Variants in NEBL observed in about 807,000 individuals in gnomAD.
NEBL encodes nebulette.
NEBL carries 122 observed loss-of-function variants against 140.2 expected under a neutral mutation model. The ratio of observed to expected loss-of-function variants is 0.87; its 90% CI spans 0.75 to 1.01. The LOEUF (loss-of-function observed/expected upper bound fraction) is 1.01. Among genes scored for constraint, NEBL ranks in the 50% least tolerant of loss-of-function variants. The pLI is 0.00. For missense variants in NEBL, 1,365 were observed against 1,231.3 expected (o/e 1.11, Z -1.62); for synonymous variants, 436 against 398.9 (o/e 1.09, Z -1.11).
intron 1 of NEBL, among the ~76,000 whole-genome samples, chr10:21,255,615 G>C (rs1379609772): frequency 3.3e-5 from 5 of 152,134 alleles, no homozygotes; most frequent in Admixed American, 3.3e-4. Flanking sequence ...CATCATCGTA[G>C]GAAATTTCAC....
intron 2 of NEBL, among the ~76,000 whole-genome samples, chr10:21,081,353 C>A (rs1039451712): frequency 1.3e-5 from 2 of 152,148 alleles, no homozygotes; most frequent in African/African-American, 4.8e-5. Context: ...GAAAGGCAGT[C>A]AGCCATGGGG....
intron 4 of NEBL, among the ~76,000 whole-genome samples, chr10:20,943,715 C>G (rs1410387472): frequency 6.6e-6 from 1 of 152,220 alleles, no homozygotes; most frequent in Non-Finnish European, 1.5e-5. Flanking sequence ...TTGCTTTTAA[C>G]TAGGATCAAG....
At chr10:20,902,030 C>T (rs1472049238), upstream of NEBL, among the ~76,000 whole-genome samples, 1 of 152,064 alleles carries the variant, frequency 6.6e-6, no homozygotes, top group Non-Finnish European at 1.5e-5. Context: ...ATAGCTATTT[C>T]ATTACTCTTT....
rs1021496185 is a variant in NEBL at position 21,173,440 on chromosome 10, C to T, written c.69+325G>A. On this transcript the variant is annotated intron_variant, in intron 1 of 6. Coordinates refer to the NEBL transcript ENST00000417816. This position sits in a 1 kb window ranked among gnomAD's most constrained non-coding sequence, Gnocchi z 5.7. The stretch of plus-strand genomic sequence containing the variant: ...GAGTGGAGGTGGAGGGGGCGCGGCT[C>T]GCCGAAGTGCCCCCCTGGGTGCCCA... Among the ~76,000 whole-genome samples the T allele has an allele frequency of 6.6e-6, 1 of 151,968 alleles. No individual in the cohort carries two copies.
At chr10:21,150,228 T>G (rs1411336949) in intron 2 of NEBL, among the ~76,000 whole-genome samples, 1 of 152,258 alleles carries the variant, frequency 6.6e-6, no homozygotes, top group Non-Finnish European at 1.5e-5. Flanking sequence ...TAGCCTCATT[T>G]ATGTGCGGCT....
At chr10:21,035,747 C>A (rs1200417137) in intron 2 of NEBL, among the ~76,000 whole-genome samples, 2 of 152,176 alleles carry the variant, frequency 1.3e-5, no homozygotes, top group East Asian at 1.9e-4. Flanking sequence ...CAAAATCATA[C>A]ACATTTTCTT....
Position 20,978,014 on chromosome 10 carries a change from T to A in NEBL, c.250-16235A>T, listed in dbSNP as rs11012439. Among the ~76,000 whole-genome samples, 2,992 of 152,334 alleles carry A rather than the reference T, an allele frequency of 0.02. 387 individuals carry two copies. In the East Asian group the frequency reaches 0.36, roughly 18 times the overall value. ...ATTGAAAATTAATCTTAAAATGTGG[T>A]ATGAAACACACATCCTTTTAAAAAT... is the stretch of plus-strand genomic sequence containing the variant. On this transcript the variant is annotated intron_variant, in intron 3 of 6. Transcript: ENST00000417816.
intron 2 of NEBL, among the ~76,000 whole-genome samples, chr10:21,101,136 A>G (rs897450086): frequency 6.6e-6 from 1 of 152,146 alleles, no homozygotes; most frequent in Non-Finnish European, 1.5e-5. Flanking sequence ...CACATGACTC[A>G]AGTCTCCCCT....
At chr10:21,292,149 C>T (rs756610285) in intron 1 of NEBL, among the ~76,000 whole-genome samples, 2 of 151,994 alleles carry the variant, frequency 1.3e-5, no homozygotes, top group Non-Finnish European at 2.9e-5. Context: ...TTTTTCTCTT[C>T]AAAGAGGATA....
At chr10:20,904,126 G>A (rs900947938) in intron 4 of NEBL, among the ~76,000 whole-genome samples, 1 of 152,112 alleles carries the variant, frequency 6.6e-6, no homozygotes, top group African/African-American at 2.4e-5. Flanking sequence ...CTCTCTCAAA[G>A]TATCTTCTGC....
intron 2 of NEBL, among the ~76,000 whole-genome samples, chr10:21,150,463 C>T (rs1001587197): frequency 2.0e-5 from 3 of 152,214 alleles, no homozygotes; most frequent in East Asian, 1.9e-4. Flanking sequence ...GCTCCAACCA[C>T]GGGCTTGCAC....
intron 21 of NEBL, among the ~76,000 whole-genome samples, chr10:20,816,203 T>C (rs1169528028): frequency 6.6e-6 from 1 of 152,226 alleles, no homozygotes; most frequent in Admixed American, 6.5e-5. Context: ...AGAGAGTACA[T>C]GTGTCCAAAT....
At chr10:20,866,774 C>T (rs1027714671) in intron 7 of NEBL, among the ~76,000 whole-genome samples, 3 of 152,092 alleles carry the variant, frequency 2.0e-5, no homozygotes, top group African/African-American at 4.8e-5. Context: ...AGACATTTTG[C>T]TTTCACTTTG....
At chr10:20,825,877 A>G (rs556908822) in intron 18 of NEBL, among the ~76,000 whole-genome samples, 1 of 152,292 alleles carries the variant, frequency 6.6e-6, no homozygotes, top group East Asian at 1.9e-4. Context: ...TTCACAATTT[A>G]TAGTGAAGAT....
At chr10:21,067,647 G>GA (rs1353446744) in intron 2 of NEBL, among the ~76,000 whole-genome samples, 2 of 152,046 alleles carry the variant, frequency 1.3e-5, no homozygotes, top group Admixed American at 6.6e-5. Flanking sequence ...GAGAAGGGGG[G>GA]ACCTCTCAGC....
chr10:20,907,911 C>T (rs1848165471), intron 4 of NEBL, among the ~76,000 whole-genome samples: 1 of 152,132 alleles, frequency 6.6e-6, no homozygotes, highest in South Asian at 2.1e-4. Context: ...TACTGTTGTG[C>T]AGAATGATAT....
At chr10:20,818,748 G>T (rs888507916) in intron 20 of NEBL, 7 of 963,394 alleles carry the variant, frequency 7.3e-6, no homozygotes, top group Non-Finnish European at 8.6e-6. Flanking sequence ...AGTACATTTG[G>T]GTACTTAATG....
At chr10:21,029,896 G>A in intron 2 of NEBL, 1 of 637,450 alleles carries the variant, frequency 1.6e-6, no homozygotes, top group Non-Finnish European at 2.9e-6. Flanking sequence ...GGACCGCTAT[G>A]AAGACCGATA....
intron 3 of NEBL, among the ~76,000 whole-genome samples, chr10:21,181,329 G>C (rs1841383569): frequency 6.7e-6 from 1 of 149,040 alleles, no homozygotes; most frequent in East Asian, 2.0e-4. Flanking sequence ...GGAGCCTAAA[G>C]TAAAATAATA....
Sources: allele counts gnomAD v4.1 joint callset (sites outside exome capture counted in the v4.1 genomes callset), GRCh38; gene constraint gnomAD v4.1.1; non-coding constraint Gnocchi (gnomAD v3.1); transcripts MANE v1.5; gene names NCBI Gene and HGNC (gene_info 2026-07-23, HGNC 2026-07-21).